Variants in NHSL1 observed in about 807,000 individuals in gnomAD.
The protein encoded by NHSL1 is NHS-like protein 1.
NHSL1 carries 48 observed loss-of-function variants against 95.0 expected under a neutral mutation model. That is an observed-to-expected ratio of 0.51 (90% CI 0.40 to 0.64). NHSL1 has a LOEUF of 0.64. Among genes scored for constraint, NHSL1 ranks in the 30% least tolerant of loss-of-function variants. The probability of loss-of-function intolerance (pLI) is 0.00; values close to 1 mark genes in which losing one functional copy is unlikely to be tolerated. For synonymous variants in NHSL1, 783 were observed against 833.9 expected, an observed-to-expected ratio of 0.94 and a Z score of 1.05; for missense variants, 1,971 against 2,077.7, an observed-to-expected ratio of 0.95 and a Z score of 1.00.
intron 1 of NHSL1, chr6:138,571,531 G>T: frequency 1.6e-6 from 1 of 621,478 alleles, no homozygotes; most frequent in Non-Finnish European, 2.8e-6. Context: ...AGCTCAAGCT[G>T]AGGAAGAGCA....
At chr6:138,631,597 T>C (rs1784820502) in intron 1 of NHSL1, among the ~76,000 whole-genome samples, 1 of 152,104 alleles carries the variant, frequency 6.6e-6, no homozygotes, top group Admixed American at 6.5e-5. Context: ...ACAACATTTC[T>C]AGACACACCC....
intron 1 of NHSL1, among the ~76,000 whole-genome samples, chr6:138,602,712 A>T (rs1784387786): frequency 6.6e-6 from 1 of 152,176 alleles, no homozygotes; most frequent in Non-Finnish European, 1.5e-5. Context: ...TGTTTGTTTC[A>T]TCTAATTTTT....
At chr6:138,599,509 C>T (rs1275678910) in intron 1 of NHSL1, among the ~76,000 whole-genome samples, 2 of 151,020 alleles carry the variant, frequency 1.3e-5, no homozygotes, top group Non-Finnish European at 3.0e-5. Flanking sequence ...AAGTCTCCGT[C>T]TCAAAAAAAA....
chr6:138,617,842 T>C (rs921207182), intron 1 of NHSL1, among the ~76,000 whole-genome samples: 1 of 152,182 alleles, frequency 6.6e-6, no homozygotes, highest in Non-Finnish European at 1.5e-5. Context: ...CCATCACTGT[T>C]CCAAATGACT....
intron 1 of NHSL1, among the ~76,000 whole-genome samples, chr6:138,509,906 A>T (rs1248210500): frequency 6.6e-6 from 1 of 152,246 alleles, no homozygotes. Context: ...AACAGAGCTA[A>T]GAAAAAAATT....
At position 138,431,993 on chromosome 6, in the gene NHSL1, A is replaced by G. The variant is rs1484205837; in HGVS notation, c.2352T>C (p.Ile784=). The change falls in exon 6 of 8, where the codon ATT becomes ATC. Residue 784 remains isoleucine (I), a synonymous_variant. Coordinates refer to ENST00000343505, the MANE Select transcript of NHSL1 (RefSeq NM_001144060.2). This position sits in a 1 kb window ranked among gnomAD's most constrained non-coding sequence, Gnocchi z 4.0. ...GATCTTCCTGCATGCCCGTGTAGTC[A>G]ATGTAATAACCCCAGGGGTCCGTGT... is the stretch of plus-strand genomic sequence containing the variant. ...SEYTDPWGYY[I]DYTGMQEDPG... 6 of 1,551,566 alleles carry G rather than the reference A, an allele frequency of 3.9e-6. No individual in the cohort carries two copies.
intron 1 of NHSL1, among the ~76,000 whole-genome samples, chr6:138,664,398 G>A (rs1785268340): frequency 6.6e-6 from 1 of 152,086 alleles, no homozygotes; most frequent in African/African-American, 2.4e-5. Context: ...ATTAGTTTTA[G>A]GGAAAAAACA....
chr6:138,425,424 T>C (rs1187276330), intron 7 of NHSL1, among the ~76,000 whole-genome samples: 1 of 152,162 alleles, frequency 6.6e-6, no homozygotes, highest in Non-Finnish European at 1.5e-5. Flanking sequence ...TTTGGAAAAT[T>C]TCAAACACCC....
intron 1 of NHSL1, among the ~76,000 whole-genome samples, chr6:138,611,529 G>A (rs534118236): frequency 5.9e-5 from 9 of 151,804 alleles, no homozygotes; most frequent in African/African-American, 1.7e-4. Flanking sequence ...GGTGGATCAC[G>A]AGGTCAGGAG....
chr6:138,685,871 T>G (rs1785578961), intron 1 of NHSL1, among the ~76,000 whole-genome samples: 1 of 152,150 alleles, frequency 6.6e-6, no homozygotes, highest in Non-Finnish European at 1.5e-5. Flanking sequence ...GCTCCATTGC[T>G]TACCAGCTAT....
chr6:138,525,315 C>T lies in NHSL1; in HGVS notation c.16+20308G>A, dbSNP rs569224913. On this transcript the variant is annotated intron_variant, in intron 1 of 4. Coordinates refer to the NHSL1 transcript ENST00000342260. ...CCAAAGTGTACACACTTCTTGAGCC[C>T]GGGAGTTGGAGACCAGCCTGTGCAA... Among the ~76,000 whole-genome samples the T allele has an allele frequency of 1.6e-4, 25 of 151,946 alleles. No homozygotes were observed. In the South Asian group the frequency reaches 5.0e-3, roughly 30 times the overall value.
At chr6:138,567,231 G>A (rs924578922) in intron 1 of NHSL1, among the ~76,000 whole-genome samples, 8 of 151,826 alleles carry the variant, frequency 5.3e-5, no homozygotes, top group East Asian at 1.9e-4. Flanking sequence ...AGGCTCAAGC[G>A]ATCCTCCCAC....
upstream of NHSL1, among the ~76,000 whole-genome samples, chr6:138,502,216 T>C (rs923156034): frequency 6.6e-6 from 1 of 152,224 alleles, no homozygotes; most frequent in Non-Finnish European, 1.5e-5. Flanking sequence ...TTGCGTTCTA[T>C]ATTAAGTTGT....
chr6:138,648,750 T>C (rs1043734113), intron 1 of NHSL1, among the ~76,000 whole-genome samples: 8 of 152,178 alleles, frequency 5.3e-5, no homozygotes, highest in Non-Finnish European at 1.2e-4. Context: ...CTGTAACAGA[T>C]CATAAGAGCA....
chr6:138,659,165 T>A (rs949130220), intron 1 of NHSL1, among the ~76,000 whole-genome samples: 25 of 151,362 alleles, frequency 1.7e-4, no homozygotes, highest in African/African-American at 6.1e-4. Context: ...TTCTCCTGCC[T>A]TAGCCTCCTG....
chr6:138,648,367 A>C (rs867593319), intron 1 of NHSL1, among the ~76,000 whole-genome samples: 19 of 151,064 alleles, frequency 1.3e-4, no homozygotes, highest in South Asian at 2.1e-4. Flanking sequence ...AAAAAAAAAA[A>C]CAATGGATTG....
chr6:138,512,478 A>T (rs1434960735), intron 1 of NHSL1: 1 of 284,866 alleles, frequency 3.5e-6, no homozygotes, highest in Non-Finnish European at 6.9e-6. Flanking sequence ...GCTCGTCAAC[A>T]GGATAACTCT....
chr6:138,549,367 G>A (rs771277364), upstream of NHSL1, among the ~76,000 whole-genome samples: 4 of 152,100 alleles, frequency 2.6e-5, no homozygotes, highest in Non-Finnish European at 5.9e-5. Flanking sequence ...TGGGCAACAA[G>A]AGCAAACCTC....
At chr6:138,435,306 T>C (rs940801004) in intron 5 of NHSL1, 6 of 154,204 alleles carry the variant, frequency 3.9e-5, no homozygotes, top group African/African-American at 1.2e-4. Flanking sequence ...ACAAATACAT[T>C]TTTTTTCCTT....
Sources: gnomAD v4.1 joint callset for allele counts (sites outside exome capture counted in the v4.1 genomes callset) on GRCh38, gnomAD v4.1.1 for gene constraint, Gnocchi (gnomAD v3.1) non-coding constraint, MANE v1.5 for transcripts, NCBI Gene and HGNC (gene_info 2026-07-23, HGNC 2026-07-21) for gene names.